Variants in METAP2 observed in about 807,000 individuals in gnomAD.
The protein encoded by METAP2 is methionyl aminopeptidase 2, also known as methionine aminopeptidase 2.
In METAP2, 25 loss-of-function variants were observed where a neutral mutation model predicts 59.4. That is an observed-to-expected ratio of 0.42 (90% CI 0.31 to 0.59). The LOEUF is 0.59. Ranked by LOEUF, METAP2 falls within the 20% of genes least tolerant of loss-of-function variation. METAP2 has a pLI of 0.16. For missense variants in METAP2, 366 were observed against 581.2 expected (o/e 0.63, Z 3.81); for synonymous variants, 214 against 194.1 (o/e 1.10, Z -0.85).
Position 95,495,937 on chromosome 12 carries a change from A to C in METAP2, c.773-67A>C. 5.3e-6 allele frequency: 5 copies of C among 938,064 alleles called. No individual in the cohort carries two copies. In the South Asian group the frequency reaches 6.5e-5, roughly 12 times the overall value. The allele number at this position is 938,064 out of a possible 1,614,324, so 58.1% of individuals were successfully genotyped here. ...GTTAAACTAGCAAGATTAATAGATT[A>C]AATGCTGTAAAGTAGATAAATTGAC... On this transcript the variant is annotated intron_variant, in intron 6 of 10. Coordinates refer to ENST00000323666, the MANE Select transcript of METAP2 (RefSeq NM_006838.4).
intron 8 of METAP2, 79 bp from the exon 9 acceptor site, chr12:95,511,816 C>T: frequency 1.0e-6 from 1 of 964,154 alleles, no homozygotes; most frequent in Non-Finnish European, 1.6e-6. Context: ...AATGCTTGAA[C>T]TCTGTACCAA....
At chr12:95,511,586 T>A (rs976921555) in intron 8 of METAP2, among the ~76,000 whole-genome samples, 1 of 152,074 alleles carries the variant, frequency 6.6e-6, no homozygotes, top group African/African-American at 2.4e-5. Flanking sequence ...GAGACAGGGT[T>A]TCGCCATGTT....
intron 4 of METAP2, among the ~76,000 whole-genome samples, chr12:95,488,932 C>T (rs995450579): frequency 1.3e-5 from 2 of 152,038 alleles, no homozygotes; most frequent in Non-Finnish European, 2.9e-5. Context: ...ATCAGAATTG[C>T]ATTTATATTT....
intron 7 of METAP2, among the ~76,000 whole-genome samples, chr12:95,502,827 T>C (rs1485097002): frequency 6.6e-6 from 1 of 152,042 alleles, no homozygotes; most frequent in Non-Finnish European, 1.5e-5. Context: ...TTTTGCCTGC[T>C]CAAATACTTT....
Position 95,504,154 on chromosome 12 carries a change from A to T in METAP2, c.957A>T (p.Thr319=). The change falls in exon 8 of 11, where the codon ACA becomes ACT. Residue 319 remains threonine (T), a synonymous_variant. Coordinates refer to ENST00000323666, the MANE Select transcript of METAP2 (RefSeq NM_006838.4). The part of the protein sequence containing the change: ...ESYEVEIDGK[T]YQVKPIRNLN... ...ATGAAGTTGAAATAGATGGGAAGAC[A>T]TATCAAGGTATGTTCTTTTAAAATA... The T allele has an allele frequency of 6.3e-7, 1 of 1,587,690 alleles. No individual in the cohort carries two copies. Among genetic ancestry groups the T allele is most frequent in the South Asian group, 1.1e-5 (1 of 89,792 alleles).
chr12:95,514,296 C>T lies in METAP2; in HGVS notation c.*392C>T, dbSNP rs984165576. The T allele has an allele frequency of 3.6e-5, 6 of 166,122 alleles. No homozygotes were observed. The highest frequency in any genetic ancestry group is 1.4e-4 in the African/African-American group (6 of 42,014). 10.3% of individuals were successfully genotyped at this position (166,122 alleles called of 1,614,324 possible). A position where few individuals can be genotyped will look rare whatever the true frequency, so the allele number is the denominator to read the frequency against. On this transcript the variant is annotated 3_prime_UTR_variant, in exon 11 of 11. Transcript: ENST00000323666. Reference sequence around the variant, plus strand: ...TATACCCTCTGGTGTTGCTTTTTAACCTTCCTGGAATCCATTTTCTAAAAA... The same window carrying T: ...TATACCCTCTGGTGTTGCTTTTTAATCTTCCTGGAATCCATTTTCTAAAAA...
rs141083015 is a variant in METAP2 at position 95,483,475 on chromosome 12, CAAAAAAAAAAAA to C, written c.325+207_325+218del. The stretch of plus-strand genomic sequence containing the variant: ...TGGGCAACAGAGTGAGACTCTGTCT[CAAAAAAAAAAAA>C]AAAAAAAAAAAGAAGTGGTTATTCA... On this transcript the variant is annotated intron_variant, in intron 3 of 10. Coordinates refer to ENST00000323666, the MANE Select transcript of METAP2 (RefSeq NM_006838.4). 50 of 66,666 alleles carry C rather than the reference CAAAAAAAAAAAA, an allele frequency of 7.5e-4. 1 individual carries two copies. The highest frequency in any genetic ancestry group is 1.3e-3 in the Non-Finnish European group (45 of 34,838). 4.1% of individuals were successfully genotyped at this position (66,666 alleles called of 1,614,324 possible). A position where few individuals can be genotyped will look rare whatever the true frequency, so the allele number is the denominator to read the frequency against.
chr12:95,486,028 C>CT, intron 4 of METAP2, 47 bp downstream of exon 4: 1 of 1,281,870 alleles, frequency 7.8e-7, no homozygotes, highest in Non-Finnish European at 1.1e-6. Context: ...ACAGTTATAG[C>CT]TTAGCAATAA....
At chr12:95,485,623 T>G (rs1346643999) in intron 3 of METAP2, among the ~76,000 whole-genome samples, 3 of 152,172 alleles carry the variant, frequency 2.0e-5, no homozygotes, top group Non-Finnish European at 4.4e-5. Flanking sequence ...ACATTAGAAG[T>G]GTGCCTTTTG....
chr12:95,489,569 A>G (rs2076222291), intron 4 of METAP2, among the ~76,000 whole-genome samples: 1 of 152,244 alleles, frequency 6.6e-6, no homozygotes, highest in Non-Finnish European at 1.5e-5. Context: ...TATAGTTTGT[A>G]TCTTTCCTTC....
intron 7 of METAP2, among the ~76,000 whole-genome samples, chr12:95,501,914 G>T (rs1466261653): frequency 2.0e-5 from 3 of 150,258 alleles, no homozygotes; most frequent in Non-Finnish European, 4.4e-5. Context: ...AGCACTTCTT[G>T]CAGGCCCGGT....
chr12:95,476,003 C>CA (rs1219097765), intron 1 of METAP2, 68 bp from the exon 2 acceptor site: 4 of 889,058 alleles, frequency 4.5e-6, no homozygotes, highest in Non-Finnish European at 7.0e-6. Flanking sequence ...TTTCCAAGAT[C>CA]ATTAGAGCAT....
At chr12:95,479,072 G>A (rs1328763890) in intron 2 of METAP2, among the ~76,000 whole-genome samples, 1 of 152,086 alleles carries the variant, frequency 6.6e-6, no homozygotes, top group Non-Finnish European at 1.5e-5. Context: ...GTAAGACCCT[G>A]TCTCTTAACA....
intron 6 of METAP2, among the ~76,000 whole-genome samples, chr12:95,495,505 T>G (rs2140152539): frequency 6.6e-6 from 1 of 152,302 alleles, no homozygotes; most frequent in Non-Finnish European, 1.5e-5. Context: ...TTTATCAGCC[T>G]TAATATACAT....
chr12:95,485,772 T>C (rs2076191953), intron 3 of METAP2, 107 bp from the exon 4 acceptor site: 2 of 695,884 alleles, frequency 2.9e-6, no homozygotes, highest in Admixed American at 6.0e-5. Flanking sequence ...GCAAGGAGTT[T>C]CCTTAAAATC....
chr12:95,505,959 T>C (rs1010850848), intron 8 of METAP2, among the ~76,000 whole-genome samples: 2 of 149,852 alleles, frequency 1.3e-5, no homozygotes, highest in Admixed American at 1.3e-4. Flanking sequence ...TAGCCAGGCG[T>C]GATGGCACAC....
At chr12:95,484,925 CTT>C (rs2076184685) in intron 3 of METAP2, 6 of 439,228 alleles carry the variant, frequency 1.4e-5, no homozygotes, top group Non-Finnish European at 2.7e-5. Context: ...TTGAATGTCT[CTT>C]TATTTGTTTA....
At position 95,485,734 on chromosome 12, in the gene METAP2, G is replaced by A. The variant is rs1009493676; in HGVS notation, c.326-145G>A. On this transcript the variant is annotated intron_variant, in intron 3 of 10. Coordinates refer to ENST00000323666, the MANE Select transcript of METAP2 (RefSeq NM_006838.4). ...TCATTGAGGAGGTGGCCAGCATGAT[G>A]AAGTGTCTTCTGCTTTTAACTGTGG... 7.1e-6 allele frequency: 4 copies of A among 566,102 alleles called. 1 individual carries two copies. In the African/African-American group the frequency reaches 7.8e-5, roughly 11 times the overall value. 35.1% of individuals were successfully genotyped at this position (566,102 alleles called of 1,614,324 possible).
chr12:95,493,330 A>C (rs1250061406), intron 4 of METAP2, among the ~76,000 whole-genome samples: 1 of 152,148 alleles, frequency 6.6e-6, no homozygotes, highest in Non-Finnish European at 1.5e-5. Context: ...AAGTTTTTAA[A>C]AATTAGCTGG....
Sources: allele counts gnomAD v4.1 joint callset (sites outside exome capture counted in the v4.1 genomes callset), GRCh38; gene constraint gnomAD v4.1.1; transcripts MANE v1.5; gene names NCBI Gene and HGNC (gene_info 2026-07-23, HGNC 2026-07-21).